DLGAP2: variants seen among roughly 807,000 people sequenced by gnomAD.
DLGAP2 encodes DLG associated protein 2, also known as disks large-associated protein 2.
In DLGAP2, 26 loss-of-function variants were observed where a neutral mutation model predicts 100.3. The ratio of observed to expected loss-of-function variants is 0.26; its 90% CI spans 0.19 to 0.36. The LOEUF (loss-of-function observed/expected upper bound fraction) is 0.36. DLGAP2 is among the 10% of genes least tolerant of loss of function. The probability of loss-of-function intolerance (pLI) is 1.00; values close to 1 mark genes in which losing one functional copy is unlikely to be tolerated. For synonymous variants in DLGAP2, 886 were observed against 630.1 expected (o/e 1.41, Z -6.08); for missense variants, 1,858 against 1,453.2 (o/e 1.28, Z -4.53).
chr8:1,297,575 CAGGGAGGAGAAACG>C (rs1800215434), intron 3 of DLGAP2, among the ~76,000 whole-genome samples: 1 of 92,672 alleles, frequency 1.1e-5, no homozygotes, highest in African/African-American at 4.5e-5. Flanking sequence ...CCACGTGAGA[CAGGGAGGAGAAACG>C]TGGCAGGCAT....
chr8:1,200,099 A>G (rs1397515627), intron 2 of DLGAP2, among the ~76,000 whole-genome samples: 1 of 152,122 alleles, frequency 6.6e-6, no homozygotes, highest in Non-Finnish European at 1.5e-5. Context: ...ATGTAGGCTG[A>G]AGGGTCGGGG....
At chr8:1,291,096 A>G (rs1800048270) in intron 3 of DLGAP2, among the ~76,000 whole-genome samples, 1 of 152,214 alleles carries the variant, frequency 6.6e-6, no homozygotes, top group Non-Finnish European at 1.5e-5. Flanking sequence ...GGCCTATAAA[A>G]TAATAACATC....
chr8:1,579,836 T>C (rs982309164), intron 6 of DLGAP2, among the ~76,000 whole-genome samples: 2 of 152,216 alleles, frequency 1.3e-5, no homozygotes, highest in East Asian at 3.9e-4. Flanking sequence ...GGGCGTTGGT[T>C]TGGGTGATGT....
intron 3 of DLGAP2, among the ~76,000 whole-genome samples, chr8:1,463,430 C>T (rs1798516272): frequency 6.6e-6 from 1 of 152,182 alleles, no homozygotes; most frequent in African/African-American, 2.4e-5. Context: ...TGTAGTGTGT[C>T]CAGGGACCAC....
chr8:832,388 A>T (rs1405171852), intron 1 of DLGAP2, among the ~76,000 whole-genome samples: 1 of 152,136 alleles, frequency 6.6e-6, no homozygotes, highest in Admixed American at 6.5e-5. Flanking sequence ...ATTAATTTTT[A>T]TATAAGGTGT....
At chr8:1,257,180 T>G (rs1358339488) in intron 2 of DLGAP2, among the ~76,000 whole-genome samples, 1 of 151,990 alleles carries the variant, frequency 6.6e-6, no homozygotes, top group Non-Finnish European at 1.5e-5. Flanking sequence ...CGATTCATGC[T>G]CTTTCCTTTC....
At chr8:1,511,926 C>T (rs1326572167) in intron 4 of DLGAP2, among the ~76,000 whole-genome samples, 1 of 152,228 alleles carries the variant, frequency 6.6e-6, no homozygotes, top group Non-Finnish European at 1.5e-5. Flanking sequence ...CAGAGCCTGA[C>T]AAAAAGCGTG....
At chr8:1,146,630 TGTGTGTGCATGTGA>T (rs1796613030) in intron 2 of DLGAP2, among the ~76,000 whole-genome samples, 1 of 151,942 alleles carries the variant, frequency 6.6e-6, no homozygotes, top group Non-Finnish European at 1.5e-5. Context: ...TGTGCATGCA[TGTGTGTGCATGTGA>T]GTGTGTGCAT....
In DLGAP2 at chr8:937,121, T is replaced by G. The variant is rs564576618; in HGVS notation, c.73+29155T>G. On this transcript the variant is annotated intron_variant, in intron 2 of 14. Transcript: ENST00000637795. The stretch of plus-strand genomic sequence containing the variant: ...CAGCCATGGCACTCTTCTTAAGACT[T>G]TCTCCTGAGGACGCTCCTCAAGTCT... 2.6e-5 allele frequency among the ~76,000 whole-genome samples: 4 copies of G among 152,272 alleles called. No homozygotes were observed. In the South Asian group the frequency reaches 8.3e-4, roughly 32 times the overall value.
intron 2 of DLGAP2, among the ~76,000 whole-genome samples, chr8:1,225,253 G>T (rs184800205): frequency 6.6e-6 from 1 of 152,246 alleles, no homozygotes; most frequent in Non-Finnish European, 1.5e-5. Flanking sequence ...TTATGAACAC[G>T]AGTGAGGGAT....
intron 1 of DLGAP2, among the ~76,000 whole-genome samples, chr8:875,458 G>C (rs1204410124): frequency 6.6e-6 from 1 of 152,146 alleles, no homozygotes; most frequent in African/African-American, 2.4e-5. Context: ...GTTCTCATGA[G>C]ATCTGGTGAT....
intron 7 of DLGAP2, among the ~76,000 whole-genome samples, chr8:1,631,601 C>T (rs551467156): frequency 1.7e-4 from 26 of 152,250 alleles, no homozygotes; most frequent in African/African-American, 5.8e-4. Flanking sequence ...GTCAGGAATC[C>T]TCAGACCTTT....
intron 2 of DLGAP2, among the ~76,000 whole-genome samples, chr8:996,812 A>T (rs1349430948): frequency 2.6e-5 from 4 of 152,228 alleles, no homozygotes; most frequent in African/African-American, 9.6e-5. Flanking sequence ...TGCGTGGCAG[A>T]CATCTATCTA....
intron 2 of DLGAP2, among the ~76,000 whole-genome samples, chr8:1,186,246 G>A (rs1156427660): frequency 6.6e-6 from 1 of 152,254 alleles, no homozygotes; most frequent in Non-Finnish European, 1.5e-5. Flanking sequence ...CAGCAGCTAT[G>A]CTGGAGTTAC....
intron 3 of DLGAP2, among the ~76,000 whole-genome samples, chr8:1,348,858 A>T (rs1882800): frequency 0.16 from 24,464 of 152,102 alleles, 2,388 homozygotes; most frequent in East Asian, 0.31. Context: ...CTGCTTCCCC[A>T]TCCATGTCCT....
intron 2 of DLGAP2, among the ~76,000 whole-genome samples, chr8:1,162,316 T>C (rs1796908540): frequency 6.6e-6 from 1 of 152,202 alleles, no homozygotes; most frequent in Non-Finnish European, 1.5e-5. Flanking sequence ...CCATTACATG[T>C]TTGTTTCTAG....
At chr8:1,224,153 T>G (rs1405526923) in intron 2 of DLGAP2, among the ~76,000 whole-genome samples, 1 of 152,172 alleles carries the variant, frequency 6.6e-6, no homozygotes, top group Non-Finnish European at 1.5e-5. Context: ...AAGGAGCCAT[T>G]GTCTAAGAGG....
At chr8:750,276 AG>A (rs1396002622) in intron 1 of DLGAP2, among the ~76,000 whole-genome samples, 1 of 152,194 alleles carries the variant, frequency 6.6e-6, no homozygotes, top group Non-Finnish European at 1.5e-5. Flanking sequence ...TTGCCACACG[AG>A]GGGAGGTCAA....
At chr8:1,183,027 A>G (rs1166896450) in intron 2 of DLGAP2, among the ~76,000 whole-genome samples, 1 of 152,078 alleles carries the variant, frequency 6.6e-6, no homozygotes. Context: ...CAGTGCGGGG[A>G]ACGTGAGATT....
Sources: allele counts gnomAD v4.1 joint callset (sites outside exome capture counted in the v4.1 genomes callset), GRCh38; gene constraint gnomAD v4.1.1; transcripts MANE v1.5; gene names NCBI Gene and HGNC (gene_info 2026-07-23, HGNC 2026-07-21).